Variants in LAMA3 observed in about 807,000 individuals in gnomAD.
LAMA3 encodes the protein laminin subunit alpha 3.
LAMA3 carries 281 observed loss-of-function variants against 402.0 expected under a neutral mutation model. The observed-to-expected ratio is 0.70, with a 90% CI of 0.63 to 0.77. The LOEUF (loss-of-function observed/expected upper bound fraction) is 0.77, where lower values mean the gene tolerates loss of function less well. Among genes scored for constraint, LAMA3 ranks in the 30% least tolerant of loss-of-function variants. The pLI, the probability that LAMA3 is intolerant of heterozygous loss-of-function variation, is 0.00. For synonymous variants in LAMA3, 1,431 were observed against 1,558.4 expected (o/e 0.92, Z 1.93); for missense variants, 3,840 against 4,215.5 (o/e 0.91, Z 2.47).
In LAMA3 at chr18:23,894,014, A is replaced by G. The variant is rs1048420889; in HGVS notation, c.5411-284A>G. Among the ~76,000 whole-genome samples the G allele has an allele frequency of 2.0e-5, 3 of 152,136 alleles. No individual in the cohort carries two copies. In the South Asian group the frequency reaches 6.2e-4, roughly 31 times the overall value. On this transcript the variant is annotated intron_variant, in intron 42 of 74. Transcript: ENST00000313654. ...TATATAACAGGGAGGCCACAAAAGC[A>G]GTTCCTGCAGCGAGCCTGCTGGGAG...
intron 2 of LAMA3, among the ~76,000 whole-genome samples, chr18:23,722,123 G>A (rs2061225638): frequency 6.6e-6 from 1 of 152,210 alleles, no homozygotes; most frequent in African/African-American, 2.4e-5. Flanking sequence ...TGCTATGTCA[G>A]TAGAGACCTA....
chr18:23,758,514 G>A lies in LAMA3; in HGVS notation c.1063+3G>A, dbSNP rs1212398842. 2 of 1,610,292 alleles carry A rather than the reference G, an allele frequency of 1.2e-6. No individual in the cohort carries two copies. The highest frequency in any genetic ancestry group is 1.3e-5 in the African/African-American group (1 of 74,318). On this transcript the variant is annotated splice_donor_region_variant and intron_variant, in intron 7 of 74. Coordinates refer to ENST00000313654, the MANE Select transcript of LAMA3 (RefSeq NM_198129.4). The stretch of plus-strand genomic sequence containing the variant: ...GGAGCAGAGCCACGAGTGTGAAGGT[G>A]GGTGTGGGGATGGGGTGGGGGCCAC...
chr18:23,808,651 T>C (rs1222367475), intron 12 of LAMA3, among the ~76,000 whole-genome samples: 4 of 152,212 alleles, frequency 2.6e-5, no homozygotes, highest in Admixed American at 1.3e-4. Context: ...TCCCAGGTAA[T>C]TTGTAAGTGA....
chr18:23,777,422 C>A (rs1455301402), intron 10 of LAMA3, 135 bp from the exon 11 acceptor site: 1 of 682,380 alleles, frequency 1.5e-6, no homozygotes, highest in East Asian at 2.7e-5. Flanking sequence ...GCAATATCGC[C>A]TTTCTTTAAA....
At chr18:23,789,150 C>G (rs1402446215) in intron 12 of LAMA3, among the ~76,000 whole-genome samples, 1 of 152,028 alleles carries the variant, frequency 6.6e-6, no homozygotes, top group African/African-American at 2.4e-5. Flanking sequence ...CATTTTATAT[C>G]CACTAGAAAG....
Position 23,822,306 on chromosome 18 carries a change from G to A in LAMA3, c.2359G>A (p.Val787Ile), listed in dbSNP as rs746403038. The change falls in exon 20 of 75, where the codon GTT (valine) becomes ATT (isoleucine). Residue 787 changes from valine (V) to isoleucine (I), a missense_variant. By Grantham distance (29) the Val-to-Ile change is conservative. Transcript: ENST00000313654. ...GAAGTCAAGTGGCTCCTTGTTTCGTGTTATTCTGAGATACGTTAACCCTGG... is the reference window on the plus strand; with the variant it reads ...GAAGTCAAGTGGCTCCTTGTTTCGTATTATTCTGAGATACGTTAACCCTGG... ...VGKSSGSLFRVILRYVNPGTE... is the reference protein window; with the variant it reads ...VGKSSGSLFRIILRYVNPGTE... 6 of 1,613,740 alleles carry A rather than the reference G, an allele frequency of 3.7e-6. No individual in the cohort carries two copies. The South Asian group carries it at 5.5e-5, about 15-fold the overall frequency.
At chr18:23,892,028 G>A (rs935951842) in intron 42 of LAMA3, among the ~76,000 whole-genome samples, 1 of 152,242 alleles carries the variant, frequency 6.6e-6, no homozygotes, top group Admixed American at 6.5e-5. Flanking sequence ...TGGCGTGTGG[G>A]AAAGGGTTGG....
At chr18:23,813,230 A>G in intron 14 of LAMA3, 127 bp downstream of exon 14, 1 of 679,866 alleles carries the variant, frequency 1.5e-6, no homozygotes, top group Non-Finnish European at 2.6e-6. Context: ...TAAAGAGGTC[A>G]TTGTTGTTTT....
intron 3 of LAMA3, among the ~76,000 whole-genome samples, chr18:23,748,738 T>C (rs888804530): frequency 1.8e-5 from 2 of 111,552 alleles, no homozygotes; most frequent in African/African-American, 2.8e-5. Context: ...GAGGTTGCAA[T>C]GAGCCAAGAC....
At chr18:23,904,776 A>T in intron 51 of LAMA3, 82 bp downstream of exon 51, 5 of 1,400,118 alleles carry the variant, frequency 3.6e-6, no homozygotes, top group Non-Finnish European at 5.0e-6. Context: ...GGCTCCAAGG[A>T]ATAGAAACAA....
chr18:23,881,205 A>G (rs1048614782), intron 39 of LAMA3, among the ~76,000 whole-genome samples: 13 of 152,248 alleles, frequency 8.5e-5, no homozygotes, highest in Non-Finnish European at 1.8e-4. Context: ...ACTGAAGAAC[A>G]AATTTCATTA....
chr18:23,870,322 C>T lies in LAMA3; in HGVS notation c.4768-1109C>T, dbSNP rs1408596970. Among the ~76,000 whole-genome samples, 5 of 151,652 alleles carry T rather than the reference C, an allele frequency of 3.3e-5. No homozygotes were observed. In the East Asian group the frequency reaches 7.7e-4, roughly 23 times the overall value. ...TGTCTCAAAAAAAAAACAAAAATTA[C>T]CAAACAGAACATAGCAAGTGTTGAC... is the stretch of plus-strand genomic sequence containing the variant. On this transcript the variant is annotated intron_variant, in intron 37 of 74. Transcript: ENST00000313654.
intron 11 of LAMA3, among the ~76,000 whole-genome samples, chr18:23,778,044 C>T (rs1215263174): frequency 6.6e-6 from 1 of 152,102 alleles, no homozygotes. Flanking sequence ...CAGTTATCTG[C>T]CATTAGTGGA....
rs1252634791 is a variant in LAMA3, at chr18:23,914,452, C to T, written c.7372C>T (p.Leu2458Phe). 6.2e-7 allele frequency: 1 copy of T among 1,614,130 alleles called. No individual in the cohort carries two copies. The change falls in exon 57 of 75, where the codon CTC becomes TTC. Residue 2458 changes from leucine to phenylalanine, a missense_variant. Physicochemically the swap from Leu to Phe is conservative, Grantham distance 22. This residue lies in a region of LAMA3 where 891 missense variants were observed against 857.5 expected (regional missense o/e 1.04). Coordinates refer to ENST00000313654, the MANE Select transcript of LAMA3 (RefSeq NM_198129.4). ...CGGCATGGCAGTTGTGGATGGCCAGCTCACCTGTGTCTACAACCTGGGGGA... is the reference window on the plus strand; with the variant it reads ...CGGCATGGCAGTTGTGGATGGCCAGTTCACCTGTGTCTACAACCTGGGGGA... ...YIGMAVVDGQ[L>F]TCVYNLGDRE...
chr18:23,841,229 C>T (rs2063695280), intron 27 of LAMA3, among the ~76,000 whole-genome samples: 1 of 152,130 alleles, frequency 6.6e-6, no homozygotes, highest in South Asian at 2.1e-4. Context: ...CTATTTACCC[C>T]CCCGAGTCAT....
intron 52 of LAMA3, 62 bp from the exon 53 acceptor site, chr18:23,907,488 A>G (rs972583741): frequency 3.3e-6 from 4 of 1,216,616 alleles, no homozygotes; most frequent in African/African-American, 1.5e-5. Flanking sequence ...AGGGGCCACA[A>G]ATACCAATGG....
At chr18:23,799,394 G>GT (rs2062827249) in intron 12 of LAMA3, among the ~76,000 whole-genome samples, 1 of 152,222 alleles carries the variant, frequency 6.6e-6, no homozygotes, top group African/African-American at 2.4e-5. Flanking sequence ...GGATTTGGCA[G>GT]TTTTTACTAA....
chr18:23,912,586 C>T, intron 55 of LAMA3, 125 bp from the exon 56 acceptor site: 1 of 787,992 alleles, frequency 1.3e-6, no homozygotes, highest in Non-Finnish European at 2.2e-6. Flanking sequence ...TTCACATTCC[C>T]TTGCTCCTTA....
chr18:23,889,787 C>G (rs951864153), intron 41 of LAMA3, among the ~76,000 whole-genome samples: 1 of 151,804 alleles, frequency 6.6e-6, no homozygotes, highest in Non-Finnish European at 1.5e-5. Flanking sequence ...CTCCCTCATT[C>G]AAAAAATTGG....
Sources: gnomAD v4.1 joint callset for allele counts (sites outside exome capture counted in the v4.1 genomes callset) on GRCh38, gnomAD v4.1.1 for gene constraint, gnomAD v4.1.1 regional missense constraint, MANE v1.5 for transcripts, NCBI Gene and HGNC (gene_info 2026-07-23, HGNC 2026-07-21) for gene names.